Variants in ZCCHC7 observed in about 807,000 individuals in gnomAD.
The protein encoded by ZCCHC7 is zinc finger CCHC-type containing 7, also known as zinc finger CCHC domain-containing protein 7.
ZCCHC7 carries 35 observed loss-of-function variants against 52.0 expected under a neutral mutation model. That is an observed-to-expected ratio of 0.67 (90% CI 0.51 to 0.89). ZCCHC7 has a LOEUF of 0.89. Among genes scored for constraint, ZCCHC7 ranks in the 40% least tolerant of loss-of-function variants. ZCCHC7 has a pLI of 0.00. For synonymous variants in ZCCHC7, 217 were observed against 221.5 expected, an observed-to-expected ratio of 0.98 and a Z score of 0.18; for missense variants, 574 against 649.1, an observed-to-expected ratio of 0.88 and a Z score of 1.26.
intron 2 of ZCCHC7, among the ~76,000 whole-genome samples, chr9:37,244,675 A>G (rs1257660735): frequency 6.6e-6 from 1 of 151,858 alleles, no homozygotes; most frequent in African/African-American, 2.4e-5. Context: ...CTTTTGTTCT[A>G]AAAAGAAGTG....
At chr9:37,353,953 C>A (rs1821543787) in intron 7 of ZCCHC7, among the ~76,000 whole-genome samples, 1 of 152,032 alleles carries the variant, frequency 6.6e-6, no homozygotes, top group African/African-American at 2.4e-5. Flanking sequence ...TCATGATAAA[C>A]AAAAGCCTGC....
chr9:37,236,412 A>AT (rs201501587), intron 2 of ZCCHC7, among the ~76,000 whole-genome samples: 22,857 of 146,628 alleles, frequency 0.16, 1,858 homozygotes, highest in Non-Finnish European at 0.17. Flanking sequence ...GTGCTATCAG[A>AT]TTTTTTTTTT....
chr9:37,142,902 A>G (rs1843289248), intron 2 of ZCCHC7, among the ~76,000 whole-genome samples: 1 of 151,854 alleles, frequency 6.6e-6, no homozygotes, highest in Non-Finnish European at 1.5e-5. Flanking sequence ...AAAAATAACA[A>G]GGAATTAATT....
chr9:37,146,624 C>T (rs1469341446), intron 2 of ZCCHC7, among the ~76,000 whole-genome samples: 1 of 151,890 alleles, frequency 6.6e-6, no homozygotes, highest in East Asian at 1.9e-4. Context: ...ATGTGGTTTA[C>T]TGTTTATCAA....
intron 2 of ZCCHC7, among the ~76,000 whole-genome samples, chr9:37,148,707 A>G (rs963815280): frequency 6.6e-6 from 1 of 152,154 alleles, no homozygotes; most frequent in Non-Finnish European, 1.5e-5. Flanking sequence ...TATGATGTTC[A>G]AGAGAACTTT....
At chr9:37,209,831 G>A (rs996547294) in intron 2 of ZCCHC7, among the ~76,000 whole-genome samples, 2 of 152,132 alleles carry the variant, frequency 1.3e-5, no homozygotes, top group African/African-American at 4.8e-5. Flanking sequence ...GAGTGGACAT[G>A]TTCATGCTAA....
chr9:37,294,196 G>A (rs118041411), intron 2 of ZCCHC7, among the ~76,000 whole-genome samples: 1 of 152,312 alleles, frequency 6.6e-6, no homozygotes, highest in Non-Finnish European at 1.5e-5. Context: ...AAGTGGCTTA[G>A]CCCTCAGGGG....
At chr9:37,267,863 C>A (rs1372663557) in intron 2 of ZCCHC7, among the ~76,000 whole-genome samples, 2 of 152,094 alleles carry the variant, frequency 1.3e-5, no homozygotes, top group African/African-American at 4.8e-5. Context: ...GCCACCGCGC[C>A]CGGCCTAATT....
chr9:37,235,536 C>CCCCTCCCCTCCCCTCCCCTCCCCT (rs1825607623), intron 2 of ZCCHC7, among the ~76,000 whole-genome samples: 1 of 80,982 alleles, frequency 1.2e-5, no homozygotes, highest in African/African-American at 4.8e-5. Flanking sequence ...CTTCCCCTCC[C>CCCCTCCCCTCCCCTCCCCTCCCCT]CCCTCCCCTC....
At chr9:37,122,687 C>T (rs1045446273) in intron 1 of ZCCHC7, among the ~76,000 whole-genome samples, 1 of 152,218 alleles carries the variant, frequency 6.6e-6, no homozygotes, top group African/African-American at 2.4e-5. Flanking sequence ...CGCCTGTAAT[C>T]CAGGCACTTT....
chr9:37,298,723 A>G (rs908906519), intron 2 of ZCCHC7, among the ~76,000 whole-genome samples: 6 of 152,194 alleles, frequency 3.9e-5, no homozygotes, highest in Non-Finnish European at 4.4e-5. Context: ...ACATTTGCCA[A>G]ATTGAATCCT....
chr9:37,218,445 G>A (rs998208709), intron 2 of ZCCHC7, among the ~76,000 whole-genome samples: 6 of 152,182 alleles, frequency 3.9e-5, no homozygotes, highest in African/African-American at 1.4e-4. Context: ...TTTTCATAAT[G>A]TATATAAATT....
At chr9:37,302,128 T>A in intron 2 of ZCCHC7, 60 bp from the exon 3 acceptor site, 1 of 1,360,016 alleles carries the variant, frequency 7.4e-7, no homozygotes. Flanking sequence ...TGTAATCTAT[T>A]GTCAATCTAT....
At chr9:37,145,886 A>C (rs1219112656) in intron 2 of ZCCHC7, among the ~76,000 whole-genome samples, 1 of 151,946 alleles carries the variant, frequency 6.6e-6, no homozygotes, top group Admixed American at 6.6e-5. Context: ...CAAAATTAAA[A>C]TAGGAATTAT....
intron 2 of ZCCHC7, among the ~76,000 whole-genome samples, chr9:37,269,496 A>G (rs901634999): frequency 3.2e-4 from 48 of 151,318 alleles, no homozygotes; most frequent in African/African-American, 1.1e-3. Context: ...GTGCGTGCCT[A>G]TAGTCCCAGC....
intron 2 of ZCCHC7, among the ~76,000 whole-genome samples, chr9:37,203,558 T>C (rs1441538417): frequency 1.3e-5 from 2 of 152,228 alleles, no homozygotes; most frequent in African/African-American, 4.8e-5. Flanking sequence ...ATGTGGTGTT[T>C]GGTTTTCTGT....
At chr9:37,195,526 A>T (rs778592240) in intron 2 of ZCCHC7, among the ~76,000 whole-genome samples, 1 of 152,156 alleles carries the variant, frequency 6.6e-6, no homozygotes, top group Non-Finnish European at 1.5e-5. Context: ...GAGTGGGAAG[A>T]TGACTATCCT....
intron 2 of ZCCHC7, among the ~76,000 whole-genome samples, chr9:37,223,399 C>A (rs933109139): frequency 9.2e-5 from 14 of 151,710 alleles, no homozygotes; most frequent in African/African-American, 3.4e-4. Flanking sequence ...CATAAAGGGA[C>A]AAATTTTGTA....
At chr9:37,226,732 A>G (rs1052111501) in intron 2 of ZCCHC7, among the ~76,000 whole-genome samples, 16 of 152,168 alleles carry the variant, frequency 1.1e-4, no homozygotes, top group African/African-American at 3.9e-4. Flanking sequence ...GAAAATTCTA[A>G]AAGAAAACAG....
Sources: gnomAD v4.1 joint callset for allele counts (sites outside exome capture counted in the v4.1 genomes callset) on GRCh38, gnomAD v4.1.1 for gene constraint, MANE v1.5 for transcripts, NCBI Gene and HGNC (gene_info 2026-07-23, HGNC 2026-07-21) for gene names.